The following TMEM30A variants were observed in gnomAD, a reference collection of about 807,000 sequenced individuals.
TMEM30A encodes the protein cell cycle control protein 50A.
Under a neutral mutation model 38.2 loss-of-function variants are expected in TMEM30A, and 24 were observed. The observed-to-expected ratio is 0.63, with a 90% CI of 0.46 to 0.88. The LOEUF (loss-of-function observed/expected upper bound fraction) is 0.88, where lower values mean the gene tolerates loss of function less well. Ranked by LOEUF, TMEM30A falls within the 40% of genes least tolerant of loss-of-function variation. The probability of loss-of-function intolerance (pLI) is 0.00; values close to 1 mark genes in which losing one functional copy is unlikely to be tolerated. For synonymous variants in TMEM30A, 145 were observed against 161.6 expected (o/e 0.90, Z 0.78); for missense variants, 370 against 458.6 (o/e 0.81, Z 1.77).
chr6:75,263,127 T>C (rs1212804219), intron 3 of TMEM30A, among the ~76,000 whole-genome samples: 1 of 152,114 alleles, frequency 6.6e-6, no homozygotes, highest in African/African-American at 2.4e-5. Context: ...TCATTTAAGT[T>C]AAGACATAAA....
At chr6:75,260,051 T>C (rs915621991) in intron 4 of TMEM30A, among the ~76,000 whole-genome samples, 1 of 152,186 alleles carries the variant, frequency 6.6e-6, no homozygotes, top group African/African-American at 2.4e-5. Flanking sequence ...ACATAAAACA[T>C]ATTGCTAAAA....
rs1342835676 is a variant in TMEM30A, at chr6:75,254,641, C to G, written c.*1461G>C. ...ATATTAATCAAAAGTATACATTACC[C>G]AGACCTTTTGATTTAAAATATAACT... On this transcript the variant is annotated 3_prime_UTR_variant, in exon 7 of 7. Coordinates refer to ENST00000230461, the MANE Select transcript of TMEM30A (RefSeq NM_018247.4). 1 of 151,862 alleles carries G rather than the reference C, an allele frequency of 6.6e-6. No individual in the cohort carries two copies. Among genetic ancestry groups the G allele is most frequent in the Admixed American group, 6.6e-5 (1 of 15,228 alleles). 9.4% of individuals were successfully genotyped at this position (151,862 alleles called of 1,614,324 possible). A position where few individuals can be genotyped will look rare whatever the true frequency, so the allele number is the denominator to read the frequency against.
chr6:75,256,923 A>G (rs1771877162), intron 6 of TMEM30A: 1 of 309,660 alleles, frequency 3.2e-6, no homozygotes, highest in African/African-American at 2.3e-5. Context: ...AATTATCTAC[A>G]TGGACCAGTT....
intron 1 of TMEM30A, among the ~76,000 whole-genome samples, chr6:75,271,113 C>G (rs1772160259): frequency 6.6e-6 from 1 of 152,094 alleles, no homozygotes; most frequent in Non-Finnish European, 1.5e-5. Context: ...TTTTCTCCCT[C>G]TTAAGACTAA....
chr6:75,267,932 T>C lies in TMEM30A; in HGVS notation c.238-184A>G, dbSNP rs191132116. 1.9e-3 allele frequency among the ~76,000 whole-genome samples: 297 copies of C among 152,336 alleles called. 1 individual carries two copies. Among genetic ancestry groups the C allele is most frequent in the Middle Eastern group, 0.014 (4 of 294 alleles). On this transcript the variant is annotated intron_variant, in intron 1 of 6. Coordinates refer to ENST00000230461, the MANE Select transcript of TMEM30A (RefSeq NM_018247.4). ...AGTAAAAACTGGAAAGGGTCCTCTGTTGTTCTACTGGCTGATCTTTCCAAG... is the reference window on the plus strand; with the variant it reads ...AGTAAAAACTGGAAAGGGTCCTCTGCTGTTCTACTGGCTGATCTTTCCAAG...
intron 1 of TMEM30A, among the ~76,000 whole-genome samples, chr6:75,282,029 T>C (rs1399936731): frequency 6.6e-6 from 1 of 152,222 alleles, no homozygotes; most frequent in African/African-American, 2.4e-5. Flanking sequence ...ATTCTTAATT[T>C]TCATTTCCTC....
intron 1 of TMEM30A, among the ~76,000 whole-genome samples, chr6:75,276,422 C>T (rs1422526885): frequency 2.0e-5 from 3 of 152,206 alleles, no homozygotes; most frequent in Non-Finnish European, 4.4e-5. Flanking sequence ...TCTTGTGGGA[C>T]TGAGCCCCTA....
At position 75,253,257 on chromosome 6, in the gene TMEM30A, T is replaced by C. The variant is rs1215750138; in HGVS notation, c.*2845A>G. ...GAACCGCATTCACTGACCCTATCTC[T>C]CAGCTGCTCCTCCTCACTAGTCAGG... On this transcript the variant is annotated 3_prime_UTR_variant, in exon 7 of 7. Transcript: ENST00000230461. 2 of 152,106 alleles carry C rather than the reference T, an allele frequency of 1.3e-5. No individual in the cohort carries two copies. Among genetic ancestry groups the C allele is most frequent in the African/African-American group, 4.8e-5 (2 of 41,432 alleles). 9.4% of individuals were successfully genotyped at this position (152,106 alleles called of 1,614,324 possible). A position where few individuals can be genotyped will look rare whatever the true frequency, so the allele number is the denominator to read the frequency against.
chr6:75,256,165 A>G lies in TMEM30A; in HGVS notation c.1023T>C (p.Val341=), dbSNP rs771535194. 1.9e-6 allele frequency: 3 copies of G among 1,613,318 alleles called. No homozygotes were observed. The highest frequency in any genetic ancestry group is 1.1e-5 in the South Asian group (1 of 91,046). The part of the protein sequence containing the change: ...AVGSISFLLG[V]VLLVINHKYR... ...ATTTATGATTAATTACTAGCAGTAC[A>G]ACTCCCAGAAGGAAGGAGATGGATC... Residue 341 remains valine, a synonymous_variant, in exon 7 of 7, where the codon GTT becomes GTC. Coordinates refer to ENST00000230461, the MANE Select transcript of TMEM30A (RefSeq NM_018247.4).
At chr6:75,265,157 C>T in intron 3 of TMEM30A, 74 bp downstream of exon 3, 2 of 939,854 alleles carry the variant, frequency 2.1e-6, no homozygotes, top group South Asian at 1.6e-5. Context: ...TTCATCCTAA[C>T]AATTCTAACT....
intron 3 of TMEM30A, among the ~76,000 whole-genome samples, chr6:75,263,599 G>A (rs899922754): frequency 6.6e-6 from 1 of 152,154 alleles, no homozygotes; most frequent in Non-Finnish European, 1.5e-5. Context: ...CAGGGAAACA[G>A]TAAAAATGAC....
intron 1 of TMEM30A, among the ~76,000 whole-genome samples, chr6:75,270,993 G>C (rs1039712662): frequency 1.3e-5 from 2 of 152,124 alleles, no homozygotes; most frequent in African/African-American, 4.8e-5. Context: ...CTTTGCACCT[G>C]GGGCCTTTTC....
chr6:75,257,176 T>C (rs1282513267), intron 6 of TMEM30A, among the ~76,000 whole-genome samples: 1 of 152,136 alleles, frequency 6.6e-6, no homozygotes, highest in Non-Finnish European at 1.5e-5. Flanking sequence ...TTAAGACCTC[T>C]AGCTAACCCA....
intron 2 of TMEM30A, among the ~76,000 whole-genome samples, chr6:75,266,773 T>C (rs1278840669): frequency 2.0e-5 from 3 of 152,216 alleles, no homozygotes; most frequent in Non-Finnish European, 2.9e-5. Flanking sequence ...CTTGTAAAGA[T>C]ACTTTAAATG....
intron 1 of TMEM30A, among the ~76,000 whole-genome samples, chr6:75,283,910 G>A (rs2149526140): frequency 6.6e-6 from 1 of 152,152 alleles, no homozygotes; most frequent in East Asian, 1.9e-4. Flanking sequence ...TACGACTCTG[G>A]TTCTTCTCCC....
chr6:75,276,856 C>T (rs1772268164), intron 1 of TMEM30A, among the ~76,000 whole-genome samples: 1 of 152,154 alleles, frequency 6.6e-6, no homozygotes, highest in Non-Finnish European at 1.5e-5. Context: ...TCTACTTCAG[C>T]CATATTGGCC....
chr6:75,284,375 A>G (rs958940003), intron 1 of TMEM30A, 27 bp downstream of exon 1: 3 of 1,608,150 alleles, frequency 1.9e-6, no homozygotes, highest in African/African-American at 2.7e-5. Context: ...AGCAACGCCA[A>G]CTCCCACCAC....
intron 6 of TMEM30A, among the ~76,000 whole-genome samples, chr6:75,257,378 T>C (rs1771883883): frequency 6.6e-6 from 1 of 152,162 alleles, no homozygotes; most frequent in African/African-American, 2.4e-5. Context: ...CCATATATCA[T>C]GCATTCCTTT....
At position 75,259,284 on chromosome 6, in the gene TMEM30A, A is replaced by T. The variant is rs1049345390; in HGVS notation, c.685+63T>A. On this transcript the variant is annotated intron_variant, in intron 5 of 6. Coordinates refer to ENST00000230461, the MANE Select transcript of TMEM30A (RefSeq NM_018247.4). ...TAACTTTAAGATTCTGAAGATAGAA[A>T]ATTTAAAATACTTCATTAAAACTCC... 3 of 1,513,374 alleles carry T rather than the reference A, an allele frequency of 2.0e-6. No homozygotes were observed. The African/African-American group carries it at 4.2e-5, about 21-fold the overall frequency. The allele number at this position is 1,513,374 out of a possible 1,614,324, so 93.7% of individuals were successfully genotyped here. A position where few individuals can be genotyped will look rare whatever the true frequency, so the allele number is the denominator to read the frequency against.
Sources: allele counts gnomAD v4.1 joint callset (sites outside exome capture counted in the v4.1 genomes callset), GRCh38; gene constraint gnomAD v4.1.1; transcripts MANE v1.5; gene names NCBI Gene and HGNC (gene_info 2026-07-23, HGNC 2026-07-21).